The following ABCB9 variants were observed in gnomAD, a reference collection of about 807,000 sequenced individuals.
ABCB9 encodes the protein ATP binding cassette subfamily B member 9, also known as ABC-type oligopeptide transporter ABCB9.
A neutral mutation model predicts 62.0 loss-of-function variants in ABCB9; 36 were observed. The observed-to-expected ratio is 0.58, with a 90% CI of 0.45 to 0.77. ABCB9 has a LOEUF of 0.77. Ranked by LOEUF, ABCB9 falls within the 30% of genes least tolerant of loss-of-function variation. The pLI, the probability that ABCB9 is intolerant of heterozygous loss-of-function variation, is 0.00. For synonymous variants in ABCB9, 435 were observed against 461.4 expected (o/e 0.94, Z 0.73); for missense variants, 943 against 1,054.7 (o/e 0.89, Z 1.47).
rs151156918 is a variant in ABCB9, at chr12:122,948,522, C to A, written c.1053+102G>T. On this transcript the variant is annotated intron_variant, in intron 5 of 11. Transcript: ENST00000280560. Reference sequence around the variant, plus strand: ...AATGAATGCAAACACAGCCTCAAGACCTGTCCTTCACTAGCCCTTAGTGGC... The same window carrying A: ...AATGAATGCAAACACAGCCTCAAGAACTGTCCTTCACTAGCCCTTAGTGGC... The A allele has an allele frequency of 5.4e-3, 5,987 of 1,102,728 alleles. 26 individuals carry two copies. The highest frequency in any genetic ancestry group is 0.011 in the Middle Eastern group (37 of 3,446). The allele number at this position is 1,102,728 out of a possible 1,614,324, so 68.3% of individuals were successfully genotyped here. A position where few individuals can be genotyped will look rare whatever the true frequency, so the allele number is the denominator to read the frequency against.
chr12:122,936,528 G>A (rs1323840041), intron 9 of ABCB9, among the ~76,000 whole-genome samples: 1 of 152,166 alleles, frequency 6.6e-6, no homozygotes, highest in East Asian at 1.9e-4. Context: ...CAGTTTGGGA[G>A]GCTAAGGTGG....
upstream of ABCB9, among the ~76,000 whole-genome samples, chr12:122,967,215 C>G (rs141018854): frequency 5.5e-4 from 84 of 152,282 alleles, no homozygotes; most frequent in Non-Finnish European, 8.8e-4. Context: ...GGGGACAGAA[C>G]ATCAGCAAGT....
At chr12:122,971,640 C>T (rs546164105) in intron 1 of ABCB9, among the ~76,000 whole-genome samples, 16 of 152,058 alleles carry the variant, frequency 1.1e-4, no homozygotes, top group Admixed American at 2.6e-4. Context: ...TTCATAGAGA[C>T]GGGATTTTGC....
Position 122,946,127 on chromosome 12 carries a change from A to C in ABCB9, c.1149T>G (p.Asn383Lys), listed in dbSNP as rs149680964. 3 of 1,613,802 alleles carry C rather than the reference A, an allele frequency of 1.9e-6. No homozygotes were observed. Among genetic ancestry groups the C allele is most frequent in the South Asian group, 1.1e-5 (1 of 91,064 alleles). ...GGTACACCTCTGCCTCCTCCTCCTC[A>C]TTGGCGAAGCTCCGGACAGTCTTCA... ...SAMKTVRSFA[N>K]EEEEAEVYLR... is the part of the protein sequence containing the mutation. The change falls in exon 6 of 12, where the codon AAT becomes AAG. Residue 383 changes from asparagine to lysine, a missense_variant. Coordinates refer to ENST00000280560, the MANE Select transcript of ABCB9 (RefSeq NM_019625.4).
chr12:122,946,110 T>G lies in ABCB9; in HGVS notation c.1166A>C (p.Glu389Ala), dbSNP rs773671258. The G allele has an allele frequency of 2.5e-6, 4 of 1,614,098 alleles. No individual in the cohort carries two copies. In the South Asian group the frequency reaches 4.4e-5, roughly 18 times the overall value. Residue 389 changes from glutamate to alanine, a missense_variant, in exon 6 of 12, where the codon GAG becomes GCG. Transcript: ENST00000280560. ...CTGCTGCAGCTTCCGCAGGTACACC[T>G]CTGCCTCCTCCTCCTCATTGGCGAA... is the stretch of plus-strand genomic sequence containing the variant. ...RSFANEEEEA[E>A]VYLRKLQQVY...
At position 122,946,219 on chromosome 12, in the gene ABCB9, G is replaced by T; in HGVS notation, c.1057C>A (p.Leu353Ile). 1 of 1,614,104 alleles carries T rather than the reference G, an allele frequency of 6.2e-7. No individual in the cohort carries two copies. The highest frequency in any genetic ancestry group is 1.1e-5 in the South Asian group (1 of 91,074). ...AGGGCATTCTGGACCTCTTTGGAGA[G>T]CCTCTATGGACAGGAGGGGGACAAG... ...SNIYGKYYKR[L>I]SKEVQNALAR... Residue 353 changes from leucine (L) to isoleucine (I), a missense_variant, in exon 6 of 12, where the codon CTC becomes ATC. Leu to Ile is a conservative substitution (Grantham distance 5, BLOSUM62 2). Coordinates refer to ENST00000280560, the MANE Select transcript of ABCB9 (RefSeq NM_019625.4).
At position 122,959,666 on chromosome 12, in the gene ABCB9, G is replaced by A. The variant is rs760810709; in HGVS notation, c.570C>T (p.Ala190=). The change falls in exon 2 of 12, where the codon GCC becomes GCT. Residue 190 remains alanine, a synonymous_variant. Coordinates refer to ENST00000280560, the MANE Select transcript of ABCB9 (RefSeq NM_019625.4). This position sits in a 1 kb window ranked among gnomAD's most constrained non-coding sequence, Gnocchi z 5.4. The stretch of plus-strand genomic sequence containing the variant: ...CTGCCACGATGAGGAAGAAGGAGGC[G>A]GCCACGAGGAAGGCCACGTCGGGCT... ...YTKPDVAFLV[A]ASFFLIVAAL... The A allele has an allele frequency of 1.3e-5, 20 of 1,576,374 alleles. No individual in the cohort carries two copies. The highest frequency in any genetic ancestry group is 1.7e-4 in the Middle Eastern group (1 of 5,934).
At chr12:122,973,578 GAAAA>G (rs57853191) in intron 1 of ABCB9, among the ~76,000 whole-genome samples, 3,067 of 50,618 alleles carry the variant, frequency 0.061, 209 homozygotes, top group African/African-American at 0.2. Flanking sequence ...CTCAAAAAAA[GAAAA>G]AAAAAAAAAA....
In ABCB9 at chr12:122,959,676, A is replaced by T; in HGVS notation, c.560T>A (p.Phe187Tyr). The change falls in exon 2 of 12, where the codon TTC (phenylalanine) becomes TAC (tyrosine). Residue 187 changes from phenylalanine (F) to tyrosine (Y), a missense_variant. Phe to Tyr is a conservative substitution (Grantham distance 22). Transcript: ENST00000280560. This position sits in a 1 kb window ranked among gnomAD's most constrained non-coding sequence, Gnocchi z 5.4. ...GAGGAAGAAGGAGGCGGCCACGAGG[A>T]AGGCCACGTCGGGCTTGGTGTAGGA... is the stretch of plus-strand genomic sequence containing the variant. ...LLSYTKPDVA[F>Y]LVAASFFLIV... is the part of the protein sequence containing the mutation. 6.3e-7 allele frequency: 1 copy of T among 1,584,970 alleles called. No homozygotes were observed. The highest frequency in any genetic ancestry group is 8.6e-7 in the Non-Finnish European group (1 of 1,160,080).
At chr12:122,938,083 C>T (rs934062138) in intron 9 of ABCB9, among the ~76,000 whole-genome samples, 4 of 152,180 alleles carry the variant, frequency 2.6e-5, no homozygotes, top group East Asian at 1.9e-4. Context: ...ACAGAAACTA[C>T]GGCAGTTGGG....
intron 9 of ABCB9, 148 bp downstream of exon 9, chr12:122,939,963 G>C (rs1477810701): frequency 1.8e-6 from 2 of 1,113,414 alleles, no homozygotes; most frequent in African/African-American, 3.2e-5. Flanking sequence ...AGAATGTTCT[G>C]TTTCTCTAGG....
At chr12:122,946,283 G>A in intron 5 of ABCB9, 61 bp from the exon 6 acceptor site, 1 of 1,572,228 alleles carries the variant, frequency 6.4e-7, no homozygotes, top group Non-Finnish European at 8.7e-7. Context: ...ATGTACTGGA[G>A]CCCCCAGGCC....
chr12:122,925,870 A>G (rs1051589064), downstream of ABCB9, among the ~76,000 whole-genome samples: 3 of 152,270 alleles, frequency 2.0e-5, no homozygotes, highest in Non-Finnish European at 4.4e-5. Context: ...GAATGGATAA[A>G]CAAAATGTGG....
chr12:122,919,971 A>G (rs1313148940), downstream of ABCB9, among the ~76,000 whole-genome samples: 2 of 151,658 alleles, frequency 1.3e-5, no homozygotes, highest in African/African-American at 2.4e-5. Context: ...CAGAGGCACA[A>G]TCTCGGCTCA....
chr12:122,971,877 C>T (rs2037274087), intron 1 of ABCB9, among the ~76,000 whole-genome samples: 1 of 151,804 alleles, frequency 6.6e-6, no homozygotes, highest in Admixed American at 6.6e-5. Flanking sequence ...GTGGGGGAGG[C>T]TGTGTGTGCT....
intron 2 of ABCB9, among the ~76,000 whole-genome samples, chr12:122,957,209 T>TA (rs908297193): frequency 2.2e-4 from 34 of 151,970 alleles, no homozygotes; most frequent in African/African-American, 7.2e-4. Context: ...CCCAGCTAAT[T>TA]AAAAAAACAT....
At chr12:122,922,676 G>A (rs2034777970) in intron 11 of ABCB9, among the ~76,000 whole-genome samples, 1 of 152,230 alleles carries the variant, frequency 6.6e-6, no homozygotes, top group Non-Finnish European at 1.5e-5. Context: ...ACTGCACCCA[G>A]CCAAGTCTAT....
chr12:122,919,044 C>G (rs1443550531), downstream of ABCB9, among the ~76,000 whole-genome samples: 2 of 152,192 alleles, frequency 1.3e-5, no homozygotes, highest in Non-Finnish European at 2.9e-5. Flanking sequence ...TTCTAAGGAC[C>G]ATCTATGTTA....
rs775308654 is a variant in ABCB9 at position 122,940,169 on chromosome 12, C to T, written c.1685G>A (p.Arg562Gln). ...LENFYPLEGG[R>Q]VLLDGKPISA... ...GATGGGCTTGCCGTCCAGCAGCACCCGGCCCCCCTCCAGGGGGTAGAAGTT... is the reference window on the plus strand; with the variant it reads ...GATGGGCTTGCCGTCCAGCAGCACCTGGCCCCCCTCCAGGGGGTAGAAGTT... Residue 562 changes from arginine to glutamine, a missense_variant, in exon 9 of 12, where the codon CGG becomes CAG. Transcript: ENST00000280560. This position sits in a 1 kb window ranked among gnomAD's most constrained non-coding sequence, Gnocchi z 4.8. 3.5e-5 allele frequency: 56 copies of T among 1,613,402 alleles called. 1 individual carries two copies. Among genetic ancestry groups the T allele is most frequent in the South Asian group, 3.2e-4 (29 of 90,968 alleles).
Sources: allele counts gnomAD v4.1 joint callset (sites outside exome capture counted in the v4.1 genomes callset), GRCh38; gene constraint gnomAD v4.1.1; non-coding constraint Gnocchi (gnomAD v3.1); transcripts MANE v1.5; gene names NCBI Gene and HGNC (gene_info 2026-07-23, HGNC 2026-07-21).